The following OXCT1 variants were observed in gnomAD, a reference collection of about 807,000 sequenced individuals.
OXCT1 encodes the protein 3-oxoacid CoA-transferase 1, also known as succinyl-CoA:3-ketoacid coenzyme A transferase 1, mitochondrial.
In OXCT1, 27 loss-of-function variants were observed where a neutral mutation model predicts 69.6. The observed-to-expected ratio is 0.39, with a 90% CI of 0.29 to 0.54. The LOEUF (loss-of-function observed/expected upper bound fraction) is 0.54, where lower values mean the gene tolerates loss of function less well. Ranked by LOEUF, OXCT1 falls within the 20% of genes least tolerant of loss-of-function variation. The probability of loss-of-function intolerance (pLI) is 0.72; values close to 1 mark genes in which losing one functional copy is unlikely to be tolerated. For synonymous variants in OXCT1, 202 were observed against 217.8 expected (o/e 0.93, Z 0.64); for missense variants, 437 against 650.2 (o/e 0.67, Z 3.57).
intron 6 of OXCT1, 85 bp downstream of exon 6, chr5:41,842,590 A>G (rs1178486953): frequency 6.2e-6 from 6 of 967,990 alleles, no homozygotes; most frequent in Non-Finnish European, 1.0e-5. Context: ...CATTACGAAA[A>G]TACATTTTTA....
intron 7 of OXCT1, among the ~76,000 whole-genome samples, chr5:41,809,858 A>G (rs1039920814): frequency 2.0e-5 from 3 of 152,096 alleles, no homozygotes; most frequent in Admixed American, 6.6e-5. Flanking sequence ...CTAGCTAAAC[A>G]TAAACAATTC....
chr5:41,731,453 C>T lies in OXCT1; in HGVS notation c.*276G>A. The T allele has an allele frequency of 2.0e-6, 2 of 994,404 alleles. No individual in the cohort carries two copies. Among genetic ancestry groups the T allele is most frequent in the Non-Finnish European group, 2.6e-6 (2 of 756,120 alleles). 61.6% of individuals were successfully genotyped at this position (994,404 alleles called of 1,614,324 possible). A position where few individuals can be genotyped will look rare whatever the true frequency, so the allele number is the denominator to read the frequency against. Reference sequence around the variant, plus strand: ...GGTTCATATAATTTAGCATACATACCATATTCAGTGAAAATGCATTCAATA... The same window carrying T: ...GGTTCATATAATTTAGCATACATACTATATTCAGTGAAAATGCATTCAATA... On this transcript the variant is annotated 3_prime_UTR_variant, in exon 17 of 17. Transcript: ENST00000196371.
intron 15 of OXCT1, among the ~76,000 whole-genome samples, chr5:41,741,986 G>A (rs1428605963): frequency 6.6e-6 from 1 of 151,866 alleles, no homozygotes; most frequent in Non-Finnish European, 1.5e-5. Context: ...GCTTTTTCTT[G>A]CATTCTGAAC....
intron 13 of OXCT1, among the ~76,000 whole-genome samples, chr5:41,782,322 C>T (rs1459135329): frequency 6.6e-6 from 1 of 151,792 alleles, no homozygotes; most frequent in African/African-American, 2.4e-5. Context: ...TCAAGTGATT[C>T]TCCTGCCTCA....
intron 14 of OXCT1, among the ~76,000 whole-genome samples, chr5:41,759,121 G>A (rs1744225390): frequency 6.7e-6 from 1 of 149,826 alleles, no homozygotes; most frequent in African/African-American, 2.5e-5. Context: ...GAAGCTTCCT[G>A]AAAGGGCAGA....
intron 13 of OXCT1, among the ~76,000 whole-genome samples, chr5:41,775,859 T>C (rs1214467476): frequency 6.6e-6 from 1 of 152,136 alleles, no homozygotes; most frequent in Non-Finnish European, 1.5e-5. Context: ...TGTCAGGAAC[T>C]GGGGATCAAA....
intron 2 of OXCT1, among the ~76,000 whole-genome samples, chr5:41,862,055 A>T (rs926281935): frequency 3.3e-5 from 5 of 152,172 alleles, no homozygotes; most frequent in African/African-American, 1.2e-4. Flanking sequence ...TACTAAAAAT[A>T]CAAAAATTAG....
chr5:41,822,593 C>A (rs1747609394), intron 7 of OXCT1, among the ~76,000 whole-genome samples: 1 of 152,114 alleles, frequency 6.6e-6, no homozygotes, highest in African/African-American at 2.4e-5. Context: ...CCTGACTCAG[C>A]CTCCCAAGTA....
At chr5:41,755,999 G>A (rs1449721149) in intron 14 of OXCT1, among the ~76,000 whole-genome samples, 4 of 152,074 alleles carry the variant, frequency 2.6e-5, no homozygotes, top group Admixed American at 6.6e-5. Flanking sequence ...AGGAGAGAGT[G>A]AGTGAAGCTA....
At chr5:41,760,501 G>A (rs1013222318) in intron 14 of OXCT1, among the ~76,000 whole-genome samples, 5 of 152,042 alleles carry the variant, frequency 3.3e-5, no homozygotes, top group Non-Finnish European at 5.9e-5. Flanking sequence ...TTCCAGCTGA[G>A]GAGAAAGAAA....
intron 15 of OXCT1, among the ~76,000 whole-genome samples, chr5:41,740,880 T>C (rs904519148): frequency 2.0e-5 from 3 of 152,096 alleles, no homozygotes; most frequent in African/African-American, 7.2e-5. Context: ...CAGACTAAAA[T>C]GTTATGCATC....
At chr5:41,769,064 C>A (rs1036535387) in intron 13 of OXCT1, among the ~76,000 whole-genome samples, 1 of 152,160 alleles carries the variant, frequency 6.6e-6, no homozygotes, top group African/African-American at 2.4e-5. Flanking sequence ...GATGACTTCT[C>A]TCAGGAAGTG....
rs1226688247 is a variant in OXCT1, at chr5:41,741,904, T to C, written c.1420-2413A>G. On this transcript the variant is annotated intron_variant, in intron 15 of 16. Coordinates refer to ENST00000196371, the MANE Select transcript of OXCT1 (RefSeq NM_000436.4). ...CTCATTAGCTTGCTTCATTCCAAAA[T>C]GACAATTAAATTTTTTTAAAATGAA... 1.3e-5 allele frequency among the ~76,000 whole-genome samples: 2 copies of C among 152,210 alleles called. 1 individual carries two copies. Among genetic ancestry groups the C allele is most frequent in the African/African-American group, 4.8e-5 (2 of 41,468 alleles).
intron 15 of OXCT1, among the ~76,000 whole-genome samples, chr5:41,746,868 T>G (rs1169837220): frequency 2.0e-5 from 3 of 152,086 alleles, no homozygotes; most frequent in African/African-American, 7.2e-5. Context: ...TCAGAAAACT[T>G]AGGAATCACC....
chr5:41,750,135 G>GTTTTTTTTTTTTTTTTTTTTTT (rs11291155), intron 14 of OXCT1, among the ~76,000 whole-genome samples: 13 of 73,916 alleles, frequency 1.8e-4, no homozygotes, highest in East Asian at 4.4e-4. Flanking sequence ...GTGTTTTTTG[G>GTTTTTTTTTTTTTTTTTTTTTT]TTTTTTTTTT....
At chr5:41,863,020 A>T (rs1280051177) in intron 1 of OXCT1, among the ~76,000 whole-genome samples, 1 of 151,932 alleles carries the variant, frequency 6.6e-6, no homozygotes, top group Admixed American at 6.6e-5. Flanking sequence ...ACCCCAGGAA[A>T]GTACGGTACA....
At chr5:41,770,363 C>T (rs1288486883) in intron 13 of OXCT1, among the ~76,000 whole-genome samples, 1 of 152,116 alleles carries the variant, frequency 6.6e-6, no homozygotes, top group Non-Finnish European at 1.5e-5. Flanking sequence ...AATATGGTGT[C>T]CTTCAAAATT....
chr5:41,840,259 C>T, intron 7 of OXCT1, among the ~76,000 whole-genome samples, 192 bp downstream of exon 7: 1 of 152,032 alleles, frequency 6.6e-6, no homozygotes, highest in African/African-American at 2.4e-5. Context: ...GAGACCCTAT[C>T]TAACCAGAAA....
At position 41,844,447 on chromosome 5, in the gene OXCT1, G is replaced by T. The variant is rs917663362; in HGVS notation, c.565-1666C>A. Among the ~76,000 whole-genome samples the T allele has an allele frequency of 6.6e-5, 10 of 152,028 alleles. No individual in the cohort carries two copies. In the East Asian group the frequency reaches 1.9e-3, roughly 29 times the overall value. ...TCCCTTCTCTTTCAAATTGCCAGAT[G>T]CCCCTGGGTTTCTTCTTTACTTACT... On this transcript the variant is annotated intron_variant, in intron 5 of 16. Transcript: ENST00000196371.
Sources: allele counts gnomAD v4.1 joint callset (sites outside exome capture counted in the v4.1 genomes callset), GRCh38; gene constraint gnomAD v4.1.1; transcripts MANE v1.5; gene names NCBI Gene and HGNC (gene_info 2026-07-23, HGNC 2026-07-21).